USP9X: variants seen among roughly 807,000 people sequenced by gnomAD.
USP9X encodes the protein ubiquitin carboxyl-terminal hydrolase 9X.
USP9X carries 7 observed loss-of-function variants against 190.3 expected under a neutral mutation model. The observed-to-expected ratio is 0.04, with a 90% CI of 0.02 to 0.07. The LOEUF (loss-of-function observed/expected upper bound fraction) is 0.07. Among genes scored for constraint, USP9X ranks in the 10% least tolerant of loss-of-function variants. The probability of loss-of-function intolerance (pLI) is 1.00; values close to 1 mark genes in which losing one functional copy is unlikely to be tolerated. For synonymous variants in USP9X, 645 were observed against 659.5 expected, an observed-to-expected ratio of 0.98 and a Z score of 0.34; for missense variants, 1,010 against 1,916.9, an observed-to-expected ratio of 0.53 and a Z score of 8.83.
intron 1 of USP9X, among the ~76,000 whole-genome samples, chrX:41,095,059 A>G (rs918388763): frequency 9.2e-6 from 1 of 108,951 alleles, no homozygotes; most frequent in Non-Finnish European, 1.9e-5. Context: ...AAAAAAAAAA[A>G]GTTCAGATTT....
intron 29 of USP9X, 24 bp downstream of exon 29, chrX:41,197,534 A>G (rs1419232106): frequency 8.4e-7 from 1 of 1,186,348 alleles, no homozygotes; most frequent in Non-Finnish European, 1.1e-6. Flanking sequence ...TCTTGGTTGT[A>G]AGCTACATAT....
intron 4 of USP9X, among the ~76,000 whole-genome samples, chrX:41,132,193 G>C (rs770531774): frequency 9.1e-6 from 1 of 110,381 alleles, no homozygotes; most frequent in Non-Finnish European, 1.9e-5. Context: ...GGAGTGTGGC[G>C]ATGTGATCAT....
chrX:41,091,563 G>A (rs1014989181), intron 1 of USP9X, among the ~76,000 whole-genome samples: 1 of 112,329 alleles, frequency 8.9e-6, no homozygotes, highest in African/African-American at 3.2e-5. Flanking sequence ...CTGGCATATA[G>A]ACATTTAGTA....
intron 25 of USP9X, among the ~76,000 whole-genome samples, chrX:41,189,044 A>C (rs978366095): frequency 8.9e-6 from 1 of 112,267 alleles, no homozygotes; most frequent in African/African-American, 3.2e-5. Flanking sequence ...ACAACTCAGA[A>C]GGTCTCAAAA....
At chrX:41,102,683 T>A (rs1173370383) in intron 1 of USP9X, among the ~76,000 whole-genome samples, 1 of 112,104 alleles carries the variant, frequency 8.9e-6, no homozygotes, top group Non-Finnish European at 1.9e-5. Context: ...TGAAATGAGA[T>A]CTTTCTTTTC....
chrX:41,229,662 T>G lies in USP9X; in HGVS notation c.7314T>G (p.Thr2438=). The G allele has an allele frequency of 8.3e-7, 1 of 1,211,613 alleles. No homozygotes were observed. Among genetic ancestry groups the G allele is most frequent in the African/African-American group, 1.7e-5 (1 of 57,747 alleles). The change falls in exon 43 of 45, where the codon ACT becomes ACG. Residue 2438 remains threonine, a synonymous_variant. Transcript: ENST00000378308. ...RRPYTGNPQY[T]YNNWSPPVQS... is the part of the protein sequence containing the mutation. Reference sequence around the variant, plus strand: ...CATATACTGGCAATCCTCAGTACACTTACAACAATTGGTCTCCCCCAGTGC... The same window carrying G: ...CATATACTGGCAATCCTCAGTACACGTACAACAATTGGTCTCCCCCAGTGC...
chrX:41,161,272 TGGA>T (rs1278866464), intron 14 of USP9X, among the ~76,000 whole-genome samples: 2 of 104,543 alleles, frequency 1.9e-5, no homozygotes, highest in Non-Finnish European at 3.9e-5. Context: ...ATGAAGCAAA[TGGA>T]GGAAGATGTA....
chrX:41,155,060 G>A (rs747672329), intron 14 of USP9X, among the ~76,000 whole-genome samples: 1 of 111,840 alleles, frequency 8.9e-6, no homozygotes, highest in African/African-American at 3.3e-5. Context: ...AATCCCATTA[G>A]CTATGAGGCA....
At chrX:41,116,817 C>T (rs1383284606) in intron 1 of USP9X, among the ~76,000 whole-genome samples, 1 of 111,356 alleles carries the variant, frequency 9.0e-6, no homozygotes, top group Non-Finnish European at 1.9e-5. Flanking sequence ...TTTTAAATAC[C>T]TGGAAAAAGA....
At position 41,232,996 on chromosome X, in the gene USP9X, A is replaced by G. The variant is rs1410612434; in HGVS notation, c.*472A>G. On this transcript the variant is annotated 3_prime_UTR_variant, in exon 45 of 45. Transcript: ENST00000378308. ...CCATGTCAGCCACACCAATAGTTTCATGTTAATTCTTTGCCACTGGAGTCA... is the reference window on the plus strand; with the variant it reads ...CCATGTCAGCCACACCAATAGTTTCGTGTTAATTCTTTGCCACTGGAGTCA... 1 of 112,504 alleles carries G rather than the reference A, an allele frequency of 8.9e-6. No homozygotes were observed. The highest frequency in any genetic ancestry group is 2.8e-4 in the East Asian group (1 of 3,626). 9.3% of individuals were successfully genotyped at this position (112,504 alleles called of 1,213,427 possible).
In USP9X at chrX:41,115,174, T is replaced by C. The variant is rs1172365661; in HGVS notation, c.-158-8297T>C. Among the ~76,000 whole-genome samples, 5 of 104,382 alleles carry C rather than the reference T, an allele frequency of 4.8e-5. No homozygotes were observed. In the Admixed American group the frequency reaches 5.2e-4, roughly 11 times the overall value. 90.6% of individuals were successfully genotyped at this position (104,382 alleles called of 115,157 possible). On this transcript the variant is annotated intron_variant, in intron 1 of 44. Coordinates refer to ENST00000378308, the MANE Select transcript of USP9X (RefSeq NM_001039591.3). ...AGGCAGAGGTTGCAGTGAGCCGAGATTGTGCCACTGCACTCTAGCCTGGGC... is the reference window on the plus strand; with the variant it reads ...AGGCAGAGGTTGCAGTGAGCCGAGACTGTGCCACTGCACTCTAGCCTGGGC...
At chrX:41,103,924 A>G (rs1163199937) in intron 1 of USP9X, among the ~76,000 whole-genome samples, 4 of 111,840 alleles carry the variant, frequency 3.6e-5, no homozygotes, top group Non-Finnish European at 5.6e-5. Flanking sequence ...CTTTCACTCA[A>G]CAGATAATTA....
chrX:41,225,387 A>T (rs768896901), intron 41 of USP9X, among the ~76,000 whole-genome samples: 1 of 111,910 alleles, frequency 8.9e-6, no homozygotes, highest in Admixed American at 9.5e-5. Context: ...TTTTTTAATT[A>T]AGGAGGAGCT....
At chrX:41,175,922 C>T (rs944054398) in intron 21 of USP9X, among the ~76,000 whole-genome samples, 4 of 108,075 alleles carry the variant, frequency 3.7e-5, no homozygotes, top group Non-Finnish European at 7.7e-5. Flanking sequence ...GACAGAGTCT[C>T]GCCCTGTCAC....
intron 21 of USP9X, among the ~76,000 whole-genome samples, chrX:41,181,639 G>C (rs1177625863): frequency 9.3e-6 from 1 of 107,977 alleles, no homozygotes; most frequent in East Asian, 2.9e-4. Flanking sequence ...TGTAGAGATG[G>C]GGTTTCACCA....
At position 41,224,364 on chromosome X, in the gene USP9X, G is replaced by A. The variant is rs778517862; in HGVS notation, c.6752-378G>A. Among the ~76,000 whole-genome samples the A allele has an allele frequency of 2.0e-4, 22 of 111,534 alleles. 1 individual carries two copies. The Middle Eastern group carries it at 0.028, about 140-fold the overall frequency. The stretch of plus-strand genomic sequence containing the variant: ...AAAATAAAACATTTGGCCAGACATA[G>A]TGGCTCATGCCTGTAATCCTAGCAT... On this transcript the variant is annotated intron_variant, in intron 39 of 44. Coordinates refer to ENST00000378308, the MANE Select transcript of USP9X (RefSeq NM_001039591.3).
intron 21 of USP9X, among the ~76,000 whole-genome samples, chrX:41,177,608 G>T (rs1225866544): frequency 8.9e-6 from 1 of 112,167 alleles, no homozygotes; most frequent in Non-Finnish European, 1.9e-5. Flanking sequence ...GAGATGCTTT[G>T]AGACTTCGTA....
chrX:41,140,632 C>CT (rs1473988747), intron 6 of USP9X, 24 bp from the exon 7 acceptor site: 1 of 1,137,859 alleles, frequency 8.8e-7, no homozygotes, highest in African/African-American at 1.8e-5. Context: ...AGGAAGTTAA[C>CT]TTTTTTCATT....
intron 24 of USP9X, among the ~76,000 whole-genome samples, chrX:41,187,732 G>T (rs1415862621): frequency 2.7e-5 from 3 of 110,908 alleles, no homozygotes; most frequent in Non-Finnish European, 5.7e-5. Flanking sequence ...GAGGTAGGAG[G>T]ATCTCTTGAG....
Sources: gnomAD v4.1 joint callset for allele counts (sites outside exome capture counted in the v4.1 genomes callset) on GRCh38, gnomAD v4.1.1 for gene constraint, MANE v1.5 for transcripts, NCBI Gene and HGNC (gene_info 2026-07-23, HGNC 2026-07-21) for gene names.